ARPC1B: variants seen among roughly 807,000 people sequenced by gnomAD.
ARPC1B encodes actin related protein 2/3 complex subunit 1B, also known as actin-related protein 2/3 complex subunit 1B.
A neutral mutation model predicts 46.0 loss-of-function variants in ARPC1B; 29 were observed. The observed-to-expected ratio is 0.63, with a 90% CI of 0.47 to 0.86. The LOEUF (loss-of-function observed/expected upper bound fraction) is 0.86, where lower values mean the gene tolerates loss of function less well. Ranked by LOEUF, ARPC1B falls within the 40% of genes least tolerant of loss-of-function variation. The probability of loss-of-function intolerance (pLI) is 0.00; values close to 1 mark genes in which losing one functional copy is unlikely to be tolerated. For missense variants in ARPC1B, 469 were observed against 529.4 expected (o/e 0.89, Z 1.12); for synonymous variants, 201 against 213.9 (o/e 0.94, Z 0.53).
At chr7:99,385,632 G>A in intron 1 of ARPC1B, 70 bp from the exon 2 acceptor site, 1 of 1,349,972 alleles carries the variant, frequency 7.4e-7, no homozygotes. Flanking sequence ...ATCATCTGGG[G>A]CCTGGTATGG....
rs1794549418 is a variant in ARPC1B, at chr7:99,390,853, A to G, written c.501-40A>G. 2.6e-6 allele frequency: 4 copies of G among 1,551,594 alleles called. No individual in the cohort carries two copies. In the East Asian group the frequency reaches 9.0e-5, roughly 35 times the overall value. ...GCTGAGAGTACAGGTGCGCACCACC[A>G]TGCCTGGCTACTTTACCTCTACTTT... On this transcript the variant is annotated intron_variant, in intron 5 of 9. Coordinates refer to ENST00000646101, the MANE Select transcript of ARPC1B (RefSeq NM_005720.4).
chr7:99,385,098 G>A (rs1794345459), intron 1 of ARPC1B, among the ~76,000 whole-genome samples: 1 of 151,100 alleles, frequency 6.6e-6, no homozygotes, highest in South Asian at 2.1e-4. Flanking sequence ...GGGACTACAG[G>A]TGCCCGCCAC....
intron 1 of ARPC1B, among the ~76,000 whole-genome samples, chr7:99,382,866 A>G (rs1393417933): frequency 8.1e-6 from 1 of 122,784 alleles, no homozygotes; most frequent in African/African-American, 3.3e-5. Context: ...TTTTTTTGAG[A>G]CAGAGTCTTG....
At chr7:99,387,736 C>CAAAAAA (rs35192470) in intron 3 of ARPC1B, among the ~76,000 whole-genome samples, 1 of 61,418 alleles carries the variant, frequency 1.6e-5, no homozygotes, top group Non-Finnish European at 3.5e-5. Context: ...GACTCTGTCT[C>CAAAAAA]AAAAAAAAAA....
chr7:99,386,830 G>T (rs1267648652), intron 3 of ARPC1B, 41 bp downstream of exon 3: 1 of 1,508,280 alleles, frequency 6.6e-7, no homozygotes, highest in Non-Finnish European at 9.2e-7. Context: ...GAAAGGAGGT[G>T]GTGGGTTGGG....
At chr7:99,391,381 AC>A in intron 7 of ARPC1B, 128 bp downstream of exon 7, 1 of 1,017,904 alleles carries the variant, frequency 9.8e-7, no homozygotes, top group Non-Finnish European at 1.4e-6. Context: ...TCTCTCATGT[AC>A]CAGAATTGGG....
chr7:99,392,430 G>A (rs752037976), intron 7 of ARPC1B, among the ~76,000 whole-genome samples: 17 of 152,234 alleles, frequency 1.1e-4, no homozygotes, highest in Non-Finnish European at 1.8e-4. Flanking sequence ...GTAACTGGCT[G>A]GGCAGGACAG....
At position 99,391,018 on chromosome 7, in the gene ARPC1B, G is replaced by A; in HGVS notation, c.626G>A (p.Cys209Tyr). Residue 209 changes from cysteine (C) to tyrosine (Y), a missense_variant, in exon 6 of 10, where the codon TGT becomes TAT. Coordinates refer to ENST00000646101, the MANE Select transcript of ARPC1B (RefSeq NM_005720.4). ...SSSCGWVHGV[C>Y]FSASGSRVAW... ...AGCTGCGGCTGGGTACATGGCGTCT[G>A]TTTCTCAGCCAGCGGGAGCCGCGTG... The A allele has an allele frequency of 6.2e-7, 1 of 1,613,952 alleles. No individual in the cohort carries two copies. Among genetic ancestry groups the A allele is most frequent in the Non-Finnish European group, 8.5e-7 (1 of 1,180,022 alleles).
At chr7:99,387,010 A>C (rs960233113) in intron 3 of ARPC1B, among the ~76,000 whole-genome samples, 5 of 152,216 alleles carry the variant, frequency 3.3e-5, no homozygotes, top group African/African-American at 1.2e-4. Flanking sequence ...GCTCCACATG[A>C]CCAAGAACCC....
intron 1 of ARPC1B, among the ~76,000 whole-genome samples, chr7:99,385,417 C>T (rs1794357211): frequency 6.6e-6 from 1 of 152,062 alleles, no homozygotes; most frequent in South Asian, 2.1e-4. Context: ...AGCATCTCCC[C>T]TGTAGTACCG....
At chr7:99,394,184 C>G in intron 9 of ARPC1B, 65 bp downstream of exon 9, 1 of 1,518,626 alleles carries the variant, frequency 6.6e-7, no homozygotes, top group Admixed American at 1.8e-5. Context: ...CCCATCCCCA[C>G]TCCCTGGAGA....
At chr7:99,393,893 T>C in intron 8 of ARPC1B, 136 bp from the exon 9 acceptor site, 1 of 815,240 alleles carries the variant, frequency 1.2e-6, no homozygotes, top group Admixed American at 1.9e-5. Context: ...AACTGACTTC[T>C]AAGCCCACTA....
Position 99,386,803 on chromosome 7 carries a change from G to A in ARPC1B, c.169+14G>A. ...GGCAGGTGACAGGTATGTCAGGGTG[G>A]CTGGGACCACCGTCCTGAAAGGAGG... On this transcript the variant is annotated intron_variant, in intron 3 of 9. Coordinates refer to ENST00000646101, the MANE Select transcript of ARPC1B (RefSeq NM_005720.4). The A allele has an allele frequency of 6.2e-7, 1 of 1,603,808 alleles. No individual in the cohort carries two copies. The highest frequency in any genetic ancestry group is 1.3e-5 in the African/African-American group (1 of 74,556).
chr7:99,386,507 G>C (rs763792287), intron 2 of ARPC1B, 178 bp from the exon 3 acceptor site: 6 of 706,574 alleles, frequency 8.5e-6, no homozygotes, highest in Non-Finnish European at 1.6e-5. Flanking sequence ...GCCAGTTCCA[G>C]GAGAAGACAG....
At position 99,390,761 on chromosome 7, in the gene ARPC1B, A is replaced by C. The variant is rs1282717367; in HGVS notation, c.501-132A>C. 4 of 718,924 alleles carry C rather than the reference A, an allele frequency of 5.6e-6. No individual in the cohort carries two copies. In the East Asian group the frequency reaches 8.0e-5, roughly 14 times the overall value. The allele number at this position is 718,924 out of a possible 1,614,324, so 44.5% of individuals were successfully genotyped here. A position where few individuals can be genotyped will look rare whatever the true frequency, so the allele number is the denominator to read the frequency against. On this transcript the variant is annotated intron_variant, in intron 5 of 9. Coordinates refer to ENST00000646101, the MANE Select transcript of ARPC1B (RefSeq NM_005720.4). ...TGCCCAAACTGGAGCACAGTAGCGC[A>C]ATCACAGCTCACTGCAGCCTTGACC...
intron 8 of ARPC1B, among the ~76,000 whole-genome samples, chr7:99,393,393 CTGGCCCCTACGGTTCTCTGGGG>C (rs1490528467): frequency 6.6e-6 from 1 of 152,124 alleles, no homozygotes; most frequent in South Asian, 2.1e-4. Context: ...TGTCGTAGGG[CTGGCCCCTACGGTTCTCTGGGG>C]TGGCCAGGCA....
chr7:99,374,650 C>T (rs1007362913), upstream of ARPC1B: 8 of 152,098 alleles, frequency 5.3e-5, no homozygotes, highest in Admixed American at 5.2e-4. The surrounding 1 kb of genome is among the most constrained non-coding windows in gnomAD (Gnocchi z 5.0). Flanking sequence ...AGGTCCCCGC[C>T]CCCGGGCCCT....
intron 2 of ARPC1B, among the ~76,000 whole-genome samples, chr7:99,386,105 C>T (rs914786234): frequency 2.6e-5 from 4 of 151,718 alleles, no homozygotes; most frequent in Non-Finnish European, 5.9e-5. Flanking sequence ...ACAAAAATTA[C>T]CTGGGCGTGG....
chr7:99,385,650 CAG>C (rs1794366918), intron 1 of ARPC1B, 50 bp from the exon 2 acceptor site: 3 of 1,517,060 alleles, frequency 2.0e-6, no homozygotes, highest in African/African-American at 1.4e-5. Flanking sequence ...TGGGTGAAGT[CAG>C]GGGCAAGGTT....
Sources: allele counts gnomAD v4.1 joint callset (sites outside exome capture counted in the v4.1 genomes callset), GRCh38; gene constraint gnomAD v4.1.1; non-coding constraint Gnocchi (gnomAD v3.1); transcripts MANE v1.5; gene names NCBI Gene and HGNC (gene_info 2026-07-23, HGNC 2026-07-21).